Variants in HTR1F observed in about 807,000 individuals in gnomAD.
HTR1F encodes 5-hydroxytryptamine receptor 1F.
Under a neutral mutation model 24.0 loss-of-function variants are expected in HTR1F, and 17 were observed. That is an observed-to-expected ratio of 0.71 (90% confidence interval 0.48 to 1.06). The LOEUF is 1.06. Among genes scored for constraint, HTR1F ranks in the 50% least tolerant of loss-of-function variants. HTR1F has a pLI of 0.00. For missense variants in HTR1F, 391 were observed against 427.8 expected (o/e 0.91, Z 0.76); for synonymous variants, 186 against 156.8 (o/e 1.19, Z -1.39).
intron 1 of HTR1F, among the ~76,000 whole-genome samples, chr3:87,818,421 C>T (rs1282675206): frequency 1.3e-5 from 2 of 152,086 alleles, no homozygotes; most frequent in Non-Finnish European, 2.9e-5. Context: ...GCCATCCTGC[C>T]AAGTACTGCA....
At chr3:87,838,503 T>A (rs550987170) in intron 2 of HTR1F, among the ~76,000 whole-genome samples, 1 of 152,166 alleles carries the variant, frequency 6.6e-6, no homozygotes, top group Admixed American at 6.6e-5. Context: ...ATGTGAAATT[T>A]TGAGGTTTTT....
chr3:87,847,960 C>T (rs1287174013), intron 2 of HTR1F, among the ~76,000 whole-genome samples: 1 of 151,858 alleles, frequency 6.6e-6, no homozygotes, highest in African/African-American at 2.4e-5. Context: ...GATTCCATAT[C>T]TTTGCAATAA....
intron 2 of HTR1F, among the ~76,000 whole-genome samples, chr3:87,869,474 AGATAGAT>A (rs1233260947): frequency 3.9e-5 from 6 of 152,030 alleles, no homozygotes; most frequent in Non-Finnish European, 1.5e-5. Context: ...ATAGATAGAT[AGATAGAT>A]GATAGATAGA....
chr3:87,929,397 T>G (rs561203777), intron 2 of HTR1F, among the ~76,000 whole-genome samples: 5 of 152,356 alleles, frequency 3.3e-5, no homozygotes, highest in African/African-American at 1.2e-4. Context: ...TTTTACCTAT[T>G]TTCAGATGAA....
intron 1 of HTR1F, among the ~76,000 whole-genome samples, chr3:87,802,434 T>C (rs1336286686): frequency 1.7e-4 from 25 of 151,322 alleles, no homozygotes; most frequent in Non-Finnish European, 2.5e-4. Context: ...GCCTTGAAAT[T>C]TGGGGGCCAA....
chr3:87,852,731 C>T (rs1274496125), intron 2 of HTR1F, among the ~76,000 whole-genome samples: 1 of 151,644 alleles, frequency 6.6e-6, no homozygotes, highest in Non-Finnish European at 1.5e-5. Flanking sequence ...TAAATCAAAT[C>T]CTCCCTTAGT....
At chr3:87,987,658 A>ATATATATTTTATATATAT (rs1559660057) in intron 2 of HTR1F, among the ~76,000 whole-genome samples, 1,514 of 94,512 alleles carry the variant, frequency 0.016, 188 homozygotes, top group South Asian at 0.036. Context: ...ATATATATAT[A>ATATATATTTTATATATAT]AAAATATATG....
chr3:87,902,819 A>C (rs1488578128), intron 2 of HTR1F, among the ~76,000 whole-genome samples: 2 of 139,876 alleles, frequency 1.4e-5, no homozygotes, highest in South Asian at 2.2e-4. Context: ...TCATTGTTCA[A>C]TTCCCACCTA....
At chr3:87,945,926 C>A (rs1260201036) in intron 2 of HTR1F, among the ~76,000 whole-genome samples, 1 of 152,144 alleles carries the variant, frequency 6.6e-6, no homozygotes, top group Non-Finnish European at 1.5e-5. Context: ...CGGTGGGCCA[C>A]TTCCAAGATG....
At position 87,827,629 on chromosome 3, in the gene HTR1F, A is replaced by T. The variant is rs189165948; in HGVS notation, c.-43+5505A>T. On this transcript the variant is annotated intron_variant, in intron 2 of 2. Transcript: ENST00000319595. The stretch of plus-strand genomic sequence containing the variant: ...ATTTAAAAAATCCTTTGAAAAATTA[A>T]TCATATTTTTCCAGTTTTGTAAATA... Among the ~76,000 whole-genome samples, 214 of 152,348 alleles carry T rather than the reference A, an allele frequency of 1.4e-3. 1 individual carries two copies. The highest frequency in any genetic ancestry group is 4.9e-3 in the African/African-American group (203 of 41,584).
chr3:87,895,614 T>C (rs1706181365), intron 2 of HTR1F, among the ~76,000 whole-genome samples: 2 of 152,156 alleles, frequency 1.3e-5, no homozygotes, highest in Non-Finnish European at 2.9e-5. Context: ...AATAGCAAGT[T>C]CAAGTTATAG....
chr3:87,902,764 A>G (rs1241179497), intron 2 of HTR1F, among the ~76,000 whole-genome samples: 2 of 106,282 alleles, frequency 1.9e-5, no homozygotes, highest in African/African-American at 3.8e-5. Context: ...CCACCCCACA[A>G]CAGTCCCCAG....
intron 2 of HTR1F, among the ~76,000 whole-genome samples, chr3:87,927,756 C>G (rs1328670108): frequency 6.6e-6 from 1 of 152,066 alleles, no homozygotes; most frequent in Non-Finnish European, 1.5e-5. Flanking sequence ...TTCATGCCTA[C>G]CTGTACAAAG....
intron 2 of HTR1F, among the ~76,000 whole-genome samples, chr3:87,972,230 T>G (rs1705300575): frequency 6.6e-6 from 1 of 152,244 alleles, no homozygotes; most frequent in South Asian, 2.1e-4. Context: ...AAATTTTTAC[T>G]TTGCCAGATT....
intron 2 of HTR1F, among the ~76,000 whole-genome samples, chr3:87,944,711 T>A (rs1704653376): frequency 6.6e-6 from 1 of 152,242 alleles, no homozygotes; most frequent in Non-Finnish European, 1.5e-5. Context: ...TGACTTAGAA[T>A]AATTCTGAAG....
chr3:87,914,437 G>A (rs1053457840), intron 2 of HTR1F, among the ~76,000 whole-genome samples: 16 of 152,080 alleles, frequency 1.1e-4, no homozygotes, highest in African/African-American at 3.6e-4. Flanking sequence ...GCTGAGGTGG[G>A]TATCCTGGGG....
At chr3:87,892,425 C>T (rs987172054) in intron 2 of HTR1F, among the ~76,000 whole-genome samples, 1 of 151,970 alleles carries the variant, frequency 6.6e-6, no homozygotes, top group Non-Finnish European at 1.5e-5. Flanking sequence ...TGTTTGTTTG[C>T]TTTACAATTA....
intron 2 of HTR1F, among the ~76,000 whole-genome samples, chr3:87,903,351 G>C (rs942387421): frequency 3.3e-5 from 5 of 151,222 alleles, no homozygotes; most frequent in Admixed American, 2.6e-4. Context: ...CTACAGAATG[G>C]GAGAAAATTT....
intron 2 of HTR1F, among the ~76,000 whole-genome samples, chr3:87,857,855 C>G (rs1387601701): frequency 6.6e-6 from 1 of 152,146 alleles, no homozygotes; most frequent in African/African-American, 2.4e-5. Context: ...TTCACAGGCT[C>G]TGGGGATTCG....
Sources: gnomAD v4.1 joint callset for allele counts (sites outside exome capture counted in the v4.1 genomes callset) on GRCh38, gnomAD v4.1.1 for gene constraint, MANE v1.5 for transcripts, NCBI Gene and HGNC (gene_info 2026-07-23, HGNC 2026-07-21) for gene names.